KRTAP19-4: variants seen among roughly 807,000 people sequenced by gnomAD.
KRTAP19-4 encodes keratin-associated protein 19-4.
For synonymous variants in KRTAP19-4, 42 were observed against 41.7 expected (o/e 1.01, Z -0.03); for missense variants, 102 against 101.1 (o/e 1.01, Z -0.04).
In KRTAP19-4 at chr21:30,496,900, T is replaced by A; in HGVS notation, c.211A>T (p.Ile71Leu). The change falls in exon 1 of 1, where the codon ATA becomes TTA. Residue 71 changes from isoleucine to leucine, a missense_variant. Coordinates refer to ENST00000334058, the MANE Select transcript of KRTAP19-4 (RefSeq NM_181610.3). ...ILLKSYPEDTISEVIRRSFNL... is the reference protein window; with the variant it reads ...ILLKSYPEDTLSEVIRRSFNL... ...AATGATCTTCTTATGACCTCTGATA[T>A]CGTGTCCTCAGGGTAGGATTTCAGT... 2 of 1,611,286 alleles carry A rather than the reference T, an allele frequency of 1.2e-6. No individual in the cohort carries two copies. Among genetic ancestry groups the A allele is most frequent in the Non-Finnish European group, 1.7e-6 (2 of 1,179,526 alleles).
At position 30,497,124 on chromosome 21, in the gene KRTAP19-4, G is replaced by C; in HGVS notation, c.-14C>G. On this transcript the variant is annotated 5_prime_UTR_variant, in exon 1 of 1. Transcript: ENST00000334058. ...ATAGTAGCTCATGGCGTCAGGAGTG[G>C]TGAGTTGTTTGGCTGCTCAAGGCAA... 2 of 1,613,124 alleles carry C rather than the reference G, an allele frequency of 1.2e-6. No homozygotes were observed. The highest frequency in any genetic ancestry group is 1.7e-6 in the Non-Finnish European group (2 of 1,179,546).
At position 30,496,950 on chromosome 21, in the gene KRTAP19-4, T is replaced by C. The variant is rs148069888; in HGVS notation, c.161A>G (p.Tyr54Cys). The change falls in exon 1 of 1, where the codon TAT becomes TGT. Residue 54 changes from tyrosine (Y) to cysteine (C), a missense_variant. Transcript: ENST00000334058. ...TAGAATTGAGAATCCATATCCTCCA[T>C]AGCATGATGGGCGGCAGTAGCCATA... ...NGYGYCRPSCYGGYGFSILLK... is the reference protein window; with the variant it reads ...NGYGYCRPSCCGGYGFSILLK... 862 of 1,612,444 alleles carry C rather than the reference T, an allele frequency of 5.3e-4. 6 individuals are homozygous for C. In the African/African-American group the frequency reaches 9.9e-3, roughly 18 times the overall value.
rs762062052 is a variant in KRTAP19-4, at chr21:30,496,867, T to C, written c.244A>G (p.Thr82Ala). Reference sequence around the variant, plus strand: ...TGCCCTTGTTTGACTCAATATTTGGTTAAATTGAATGATCTTCTTATGACC... The same window carrying C: ...TGCCCTTGTTTGACTCAATATTTGGCTAAATTGAATGATCTTCTTATGACC... ...SEVIRRSFNL[T>A]KY Residue 82 changes from threonine (T) to alanine (A), a missense_variant, in exon 1 of 1, where the codon ACC becomes GCC. Thr to Ala is a moderately conservative substitution (Grantham distance 58). Transcript: ENST00000334058. 6.2e-7 allele frequency: 1 copy of C among 1,609,108 alleles called. No homozygotes were observed. Among genetic ancestry groups the C allele is most frequent in the Non-Finnish European group, 8.5e-7 (1 of 1,178,870 alleles).
At position 30,497,129 on chromosome 21, in the gene KRTAP19-4, T is replaced by C. The variant is rs756181558; in HGVS notation, c.-19A>G. 2 of 1,612,278 alleles carry C rather than the reference T, an allele frequency of 1.2e-6. No individual in the cohort carries two copies. Among genetic ancestry groups the C allele is most frequent in the South Asian group, 1.1e-5 (1 of 90,988 alleles). The stretch of plus-strand genomic sequence containing the variant: ...AGCTCATGGCGTCAGGAGTGGTGAG[T>C]TGTTTGGCTGCTCAAGGCAAGATCC... On this transcript the variant is annotated 5_prime_UTR_variant, in exon 1 of 1. Coordinates refer to ENST00000334058, the MANE Select transcript of KRTAP19-4 (RefSeq NM_181610.3).
chr21:30,496,874 G>C lies in KRTAP19-4; in HGVS notation c.237C>G (p.Phe79Leu), dbSNP rs1354638748. ...GTTTGACTCAATATTTGGTTAAATT[G>C]AATGATCTTCTTATGACCTCTGATA... The part of the protein sequence containing the change: ...DTISEVIRRS[F>L]NLTKY Residue 79 changes from phenylalanine (F) to leucine (L), a missense_variant, in exon 1 of 1, where the codon TTC (phenylalanine) becomes TTG (leucine). By Grantham distance (22) the Phe-to-Leu change is conservative. Transcript: ENST00000334058. 1.2e-6 allele frequency: 2 copies of C among 1,608,784 alleles called. No individual in the cohort carries two copies. The highest frequency in any genetic ancestry group is 2.7e-5 in the African/African-American group (2 of 72,968).
Position 30,497,043 on chromosome 21 carries a change from T to G in KRTAP19-4, c.68A>C (p.Tyr23Ser). Reference sequence around the variant, plus strand: ...GCTGCCACATCCACAGCCATAGCCATAGCCTAGGCCACCAAAGCCTCCACA... The same window carrying G: ...GCTGCCACATCCACAGCCATAGCCAGAGCCTAGGCCACCAAAGCCTCCACA... ...YGCGGFGGLG[Y>S]GYGCGCGSFR... The change falls in exon 1 of 1, where the codon TAT (tyrosine) becomes TCT (serine). Residue 23 changes from tyrosine to serine, a missense_variant. Coordinates refer to ENST00000334058, the MANE Select transcript of KRTAP19-4 (RefSeq NM_181610.3). The G allele has an allele frequency of 6.2e-7, 1 of 1,613,188 alleles. No homozygotes were observed. Among genetic ancestry groups the G allele is most frequent in the Non-Finnish European group, 8.5e-7 (1 of 1,179,838 alleles).
chr21:30,497,149 A>G lies in KRTAP19-4; in HGVS notation c.-39T>C. 6 of 1,611,594 alleles carry G rather than the reference A, an allele frequency of 3.7e-6. No individual in the cohort carries two copies. The highest frequency in any genetic ancestry group is 5.1e-6 in the Non-Finnish European group (6 of 1,178,358). Reference sequence around the variant, plus strand: ...GTGAGTTGTTTGGCTGCTCAAGGCAAGATCCTAAGTGTGAATGGCAGCACG... The same window carrying G: ...GTGAGTTGTTTGGCTGCTCAAGGCAGGATCCTAAGTGTGAATGGCAGCACG... On this transcript the variant is annotated 5_prime_UTR_variant, in exon 1 of 1. Transcript: ENST00000334058.
Position 30,496,964 on chromosome 21 carries a change from G to A in KRTAP19-4, c.147C>T (p.Cys49=). 1 of 1,612,420 alleles carries A rather than the reference G, an allele frequency of 6.2e-7. No homozygotes were observed. Among genetic ancestry groups the A allele is most frequent in the Non-Finnish European group, 8.5e-7 (1 of 1,179,734 alleles). ...CGFGGNGYGY[C]RPSCYGGYGF... is the part of the protein sequence containing the mutation. ...CATATCCTCCATAGCATGATGGGCG[G>A]CAGTAGCCATATCCGTTGCCTCCAA... The change falls in exon 1 of 1, where the codon TGC becomes TGT. Residue 49 remains cysteine (C), a synonymous_variant. Coordinates refer to ENST00000334058, the MANE Select transcript of KRTAP19-4 (RefSeq NM_181610.3).
chr21:30,496,899 A>C lies in KRTAP19-4; in HGVS notation c.212T>G (p.Ile71Arg). 6.2e-7 allele frequency: 1 copy of C among 1,611,242 alleles called. No individual in the cohort carries two copies. The highest frequency in any genetic ancestry group is 1.1e-5 in the South Asian group (1 of 90,820). ...ILLKSYPEDT[I>R]SEVIRRSFNL... ...GAATGATCTTCTTATGACCTCTGAT[A>C]TCGTGTCCTCAGGGTAGGATTTCAG... The change falls in exon 1 of 1, where the codon ATA becomes AGA. Residue 71 changes from isoleucine to arginine, a missense_variant. Ile to Arg is a moderately conservative substitution (Grantham distance 97, BLOSUM62 -3). Coordinates refer to ENST00000334058, the MANE Select transcript of KRTAP19-4 (RefSeq NM_181610.3).
chr21:30,496,879 A>C lies in KRTAP19-4; in HGVS notation c.232T>G (p.Ser78Ala), dbSNP rs764917196. The C allele has an allele frequency of 6.2e-7, 1 of 1,609,884 alleles. No homozygotes were observed. Among genetic ancestry groups the C allele is most frequent in the African/African-American group, 1.4e-5 (1 of 73,226 alleles). The change falls in exon 1 of 1, where the codon TCA becomes GCA. Residue 78 changes from serine to alanine, a missense_variant. Physicochemically the swap from Ser to Ala is moderately conservative, Grantham distance 99. Coordinates refer to ENST00000334058, the MANE Select transcript of KRTAP19-4 (RefSeq NM_181610.3). Reference protein sequence around the residue: ...EDTISEVIRRSFNLTKY With the variant: ...EDTISEVIRRAFNLTKY ...ACTCAATATTTGGTTAAATTGAATGATCTTCTTATGACCTCTGATATCGTG... is the reference window on the plus strand; with the variant it reads ...ACTCAATATTTGGTTAAATTGAATGCTCTTCTTATGACCTCTGATATCGTG...
the KRTAP19-4 span, chr21:30,497,056 CA>C: frequency 1.2e-4 from 196 of 1,613,160 alleles, no homozygotes; most frequent in African/African-American, 2.4e-3. Context: ...CCTAGGCCAC[CA>C]AAGCCTCCAC....
In KRTAP19-4 at chr21:30,497,005, C is replaced by A. The variant is rs752319095; in HGVS notation, c.106G>T (p.Gly36Cys). 2 of 1,612,974 alleles carry A rather than the reference C, an allele frequency of 1.2e-6. No individual in the cohort carries two copies. The highest frequency in any genetic ancestry group is 1.7e-6 in the Non-Finnish European group (2 of 1,179,690). ...GCGCGSFRRL[G>C]YGCGFGGNGY... ...TTGCCTCCAAAGCCACAGCCATAAC[C>A]CAGTCTGCGGAAGCTGCCACATCCA... Residue 36 changes from glycine to cysteine, a missense_variant, in exon 1 of 1, where the codon GGT (glycine) becomes TGT (cysteine). By Grantham distance (159) the Gly-to-Cys change is radical (BLOSUM62 -3). Transcript: ENST00000334058.
At position 30,496,963 on chromosome 21, in the gene KRTAP19-4, G is replaced by A. The variant is rs768691160; in HGVS notation, c.148C>T (p.Arg50Cys). 1.7e-5 allele frequency: 28 copies of A among 1,612,254 alleles called. No individual in the cohort carries two copies. Among genetic ancestry groups the A allele is most frequent in the East Asian group, 8.9e-5 (4 of 44,796 alleles). ...CCATATCCTCCATAGCATGATGGGC[G>A]GCAGTAGCCATATCCGTTGCCTCCA... is the stretch of plus-strand genomic sequence containing the variant. ...GFGGNGYGYC[R>C]PSCYGGYGFS... is the part of the protein sequence containing the mutation. Residue 50 changes from arginine (R) to cysteine (C), a missense_variant, in exon 1 of 1, where the codon CGC (arginine) becomes TGC (cysteine). Transcript: ENST00000334058.
Position 30,496,862 on chromosome 21 carries a change from T to C in KRTAP19-4, c.249A>G (p.Lys83=). ...TAGTGTGCCCTTGTTTGACTCAATA[T>C]TTGGTTAAATTGAATGATCTTCTTA... The part of the protein sequence containing the change: ...EVIRRSFNLT[K]Y The change falls in exon 1 of 1, where the codon AAA becomes AAG. Residue 83 remains lysine, a synonymous_variant. Transcript: ENST00000334058. 6.2e-7 allele frequency: 1 copy of C among 1,608,278 alleles called. No individual in the cohort carries two copies. The highest frequency in any genetic ancestry group is 2.2e-5 in the East Asian group (1 of 44,732).
Position 30,497,037 on chromosome 21 carries a change from T to C in KRTAP19-4, c.74A>G (p.Tyr25Cys), listed in dbSNP as rs1555856270. ...GCGGAAGCTGCCACATCCACAGCCA[T>C]AGCCATAGCCTAGGCCACCAAAGCC... ...CGGFGGLGYGYGCGCGSFRRL... is the reference protein window; with the variant it reads ...CGGFGGLGYGCGCGCGSFRRL... Residue 25 changes from tyrosine (Y) to cysteine (C), a missense_variant, in exon 1 of 1, where the codon TAT (tyrosine) becomes TGT (cysteine). Physicochemically the swap from Tyr to Cys is radical, Grantham distance 194. Transcript: ENST00000334058. The C allele has an allele frequency of 2.5e-6, 4 of 1,613,282 alleles. No homozygotes were observed. Among genetic ancestry groups the C allele is most frequent in the Non-Finnish European group, 2.5e-6 (3 of 1,179,888 alleles).
rs973143755 is a variant in KRTAP19-4, at chr21:30,497,013, C to T, written c.98G>A (p.Arg33His). Residue 33 changes from arginine (R) to histidine (H), a missense_variant, in exon 1 of 1, where the codon CGC becomes CAC. Coordinates refer to ENST00000334058, the MANE Select transcript of KRTAP19-4 (RefSeq NM_181610.3). ...AAAGCCACAGCCATAACCCAGTCTGCGGAAGCTGCCACATCCACAGCCATA... is the reference window on the plus strand; with the variant it reads ...AAAGCCACAGCCATAACCCAGTCTGTGGAAGCTGCCACATCCACAGCCATA... ...YGYGCGCGSF[R>H]RLGYGCGFGG... The T allele has an allele frequency of 6.8e-6, 11 of 1,613,166 alleles. No homozygotes were observed. Among genetic ancestry groups the T allele is most frequent in the South Asian group, 1.1e-5 (1 of 90,980 alleles).
Position 30,496,839 on chromosome 21 carries a change from G to A in KRTAP19-4, c.*17C>T. The A allele has an allele frequency of 6.2e-7, 1 of 1,603,608 alleles. No individual in the cohort carries two copies. The highest frequency in any genetic ancestry group is 8.5e-7 in the Non-Finnish European group (1 of 1,175,612). ...TTTTTTTTCATCTTGGATTGATCTA[G>A]TGTGCCCTTGTTTGACTCAATATTT... On this transcript the variant is annotated 3_prime_UTR_variant, in exon 1 of 1. Transcript: ENST00000334058.
chr21:30,497,045 G>A lies in KRTAP19-4; in HGVS notation c.66C>T (p.Gly22=). 1 of 1,613,136 alleles carries A rather than the reference G, an allele frequency of 6.2e-7. No individual in the cohort carries two copies. The highest frequency in any genetic ancestry group is 1.1e-5 in the South Asian group (1 of 90,990). Reference sequence around the variant, plus strand: ...TGCCACATCCACAGCCATAGCCATAGCCTAGGCCACCAAAGCCTCCACAGC... The same window carrying A: ...TGCCACATCCACAGCCATAGCCATAACCTAGGCCACCAAAGCCTCCACAGC... ...GYGCGGFGGL[G]YGYGCGCGSF... Residue 22 remains glycine (G), a synonymous_variant, in exon 1 of 1, where the codon GGC becomes GGT. Coordinates refer to ENST00000334058, the MANE Select transcript of KRTAP19-4 (RefSeq NM_181610.3).
rs1205308836 is a variant in KRTAP19-4, at chr21:30,497,068, A to G, written c.43T>C (p.Cys15Arg). ...GSYYRGLGYGCGGFGGLGYGY... is the reference protein window; with the variant it reads ...GSYYRGLGYGRGGFGGLGYGY... ...TAGCCTAGGCCACCAAAGCCTCCAC[A>G]GCCATAGCCCAGGCCTCTGTAATAG... The change falls in exon 1 of 1, where the codon TGT becomes CGT. Residue 15 changes from cysteine to arginine, a missense_variant. Transcript: ENST00000334058. The G allele has an allele frequency of 1.2e-6, 2 of 1,613,396 alleles. No homozygotes were observed.
Sources: gnomAD v4.1 joint callset for allele counts on GRCh38, gnomAD v4.1.1 for gene constraint, MANE v1.5 for transcripts, NCBI Gene and HGNC (gene_info 2026-07-23, HGNC 2026-07-21) for gene names.